Variants in NF1 observed in about 807,000 individuals in gnomAD.
The protein encoded by NF1 is neurofibromin 1.
NF1 carries 122 observed loss-of-function variants against 325.7 expected under a neutral mutation model. That is an observed-to-expected ratio of 0.37 (90% CI 0.32 to 0.44). The LOEUF (loss-of-function observed/expected upper bound fraction) is 0.44. NF1 is among the 20% of genes least tolerant of loss of function. The probability of loss-of-function intolerance (pLI) is 1.00; values close to 1 mark genes in which losing one functional copy is unlikely to be tolerated. For synonymous variants in NF1, 1,091 were observed against 1,186.0 expected, an observed-to-expected ratio of 0.92 and a Z score of 1.65; for missense variants, 2,140 against 3,415.4, an observed-to-expected ratio of 0.63 and a Z score of 9.31.
intron 30 of NF1, chr17:31,250,071 C>A: frequency 2.1e-6 from 1 of 487,192 alleles, no homozygotes; most frequent in Non-Finnish European, 4.0e-6. Context: ...TGAATTTTTT[C>A]ACCATTGCTA....
At chr17:31,302,634 G>T (rs1300949120) in intron 36 of NF1, among the ~76,000 whole-genome samples, 1 of 152,020 alleles carries the variant, frequency 6.6e-6, no homozygotes, top group Non-Finnish European at 1.5e-5. Flanking sequence ...GAGGTCAGGA[G>T]TTCAAGACCA....
At chr17:31,234,523 A>G (rs2067166915) in intron 27 of NF1, among the ~76,000 whole-genome samples, 1 of 151,790 alleles carries the variant, frequency 6.6e-6, no homozygotes, top group South Asian at 2.1e-4. Flanking sequence ...AAAATACAAA[A>G]AAATCAGCTG....
chr17:31,327,919 A>G lies in NF1; in HGVS notation c.5609+80A>G, dbSNP rs777148710. On this transcript the variant is annotated intron_variant, in intron 38 of 57. Transcript: ENST00000358273. ...GAGACCATTTAATGAATTTTAAAAC[A>G]GCCTCTACCTTAATATTGTAAATTG... 491 of 1,300,778 alleles carry G rather than the reference A, an allele frequency of 3.8e-4. 13 individuals are homozygous for G. The highest frequency in any genetic ancestry group is 2.0e-3 in the Middle Eastern group (8 of 3,912). 80.6% of individuals were successfully genotyped at this position (1,300,778 alleles called of 1,614,324 possible). A position where few individuals can be genotyped will look rare whatever the true frequency, so the allele number is the denominator to read the frequency against.
intron 36 of NF1, among the ~76,000 whole-genome samples, chr17:31,322,514 A>AAAAAAAAAAAAAAAAAAAAAAC (rs2069234728): frequency 7.6e-6 from 1 of 131,232 alleles, no homozygotes; most frequent in Admixed American, 7.3e-5. Flanking sequence ...AAAAAAAAAA[A>AAAAAAAAAAAAAAAAAAAAAAC]AAAAAAAAAA....
At chr17:31,168,260 GT>G (rs2065876584) in intron 4 of NF1, among the ~76,000 whole-genome samples, 1 of 151,990 alleles carries the variant, frequency 6.6e-6, no homozygotes, top group South Asian at 2.1e-4. Context: ...TCCCTTTTCA[GT>G]AATTTAAAGC....
chr17:31,173,738 G>T (rs1334384642), intron 5 of NF1, among the ~76,000 whole-genome samples: 1 of 152,194 alleles, frequency 6.6e-6, no homozygotes, highest in Non-Finnish European at 1.5e-5. Context: ...AGAAGAGAGG[G>T]TTTGACCAGG....
chr17:31,144,025 G>A (rs1490218676), intron 1 of NF1, among the ~76,000 whole-genome samples: 4 of 151,918 alleles, frequency 2.6e-5, no homozygotes, highest in Non-Finnish European at 5.9e-5. Context: ...GGGTTTCACC[G>A]TATTAGTCAG....
Position 31,304,854 on chromosome 17 carries a change from A to G in NF1, c.4836-20966A>G, listed in dbSNP as rs757126694. 6 of 1,614,088 alleles carry G rather than the reference A, an allele frequency of 3.7e-6. No homozygotes were observed. In the Admixed American group the frequency reaches 1.0e-4, roughly 27 times the overall value. On this transcript the variant is annotated intron_variant, in intron 36 of 57. Transcript: ENST00000358273. ...CATTTTCTCTGATGTTATCCATACAAATGTCAGGGGTTTCTCCATCAGCAA... is the reference window on the plus strand; with the variant it reads ...CATTTTCTCTGATGTTATCCATACAGATGTCAGGGGTTTCTCCATCAGCAA...
At chr17:31,096,333 G>C (rs1023268269) in intron 1 of NF1, among the ~76,000 whole-genome samples, 1 of 151,990 alleles carries the variant, frequency 6.6e-6, no homozygotes, top group Non-Finnish European at 1.5e-5. Context: ...CTCTCTCCTG[G>C]TTGACAAGAG....
chr17:31,328,005 A>G (rs768844958), intron 38 of NF1, among the ~76,000 whole-genome samples, 166 bp downstream of exon 38: 7 of 152,226 alleles, frequency 4.6e-5, no homozygotes, highest in Non-Finnish European at 7.3e-5. Context: ...ATTCACATGA[A>G]CTGTGGAATT....
Position 31,249,019 on chromosome 17 carries a change from G to A in NF1, c.4010G>A (p.Arg1337Gln), listed in dbSNP as rs1060500379. 1.9e-6 allele frequency: 3 copies of A among 1,613,944 alleles called. No homozygotes were observed. The highest frequency in any genetic ancestry group is 1.7e-6 in the Non-Finnish European group (2 of 1,179,966). The change falls in exon 30 of 58, where the codon CGG becomes CAG. Residue 1337 changes from arginine to glutamine, a missense_variant. By Grantham distance (43) the Arg-to-Gln change is conservative (BLOSUM62 1). This residue lies in a region of NF1 where 336 missense variants were observed against 399.0 expected (regional missense o/e 0.84). Transcript: ENST00000358273. ...TCAGAGAGCCTTGAGGAAAACCAGC[G>A]GAACCTCCTTCAGATGACTGAAAAG... ...EPSESLEENQRNLLQMTEKFF... is the reference protein window; with the variant it reads ...EPSESLEENQQNLLQMTEKFF...
intron 35 of NF1, among the ~76,000 whole-genome samples, chr17:31,264,246 A>AAT (rs1036196683): frequency 3.3e-5 from 5 of 151,732 alleles, no homozygotes; most frequent in South Asian, 2.1e-4. Flanking sequence ...TAAATAAATA[A>AAT]ATATATATAT....
intron 36 of NF1, among the ~76,000 whole-genome samples, chr17:31,286,969 G>A (rs1009219623): frequency 7.2e-5 from 11 of 152,198 alleles, no homozygotes; most frequent in Middle Eastern, 3.2e-3. Flanking sequence ...GTGACTATGA[G>A]CAACAAAATA....
intron 29 of NF1, among the ~76,000 whole-genome samples, chr17:31,241,358 T>G (rs1181909596): frequency 6.6e-6 from 1 of 152,210 alleles, no homozygotes; most frequent in African/African-American, 2.4e-5. Context: ...GTGTTATTAT[T>G]GACGAGGACT....
chr17:31,176,037 C>G (rs935688822), intron 5 of NF1, among the ~76,000 whole-genome samples: 4 of 152,150 alleles, frequency 2.6e-5, no homozygotes, highest in Non-Finnish European at 5.9e-5. Context: ...GGTATATACC[C>G]AGTAATGGGA....
rs564807370 is a variant in NF1, at chr17:31,317,281, CAACTT to C, written c.4836-8536_4836-8532del. On this transcript the variant is annotated intron_variant, in intron 36 of 57. Coordinates refer to ENST00000358273, the MANE Select transcript of NF1 (RefSeq NM_001042492.3). Reference sequence around the variant, plus strand: ...ATTTAATTGAAGATGGGGGGGTTCTCAACTTAAATGTAAGTCATTATTTTACTTGA... The same window carrying C: ...ATTTAATTGAAGATGGGGGGGTTCTCAAATGTAAGTCATTATTTTACTTGA... Among the ~76,000 whole-genome samples the C allele has an allele frequency of 1.4e-3, 207 of 151,642 alleles. 1 individual carries two copies. Among genetic ancestry groups the C allele is most frequent in the African/African-American group, 4.7e-3 (195 of 41,368 alleles).
chr17:31,124,051 C>T (rs1914658346), intron 1 of NF1, among the ~76,000 whole-genome samples: 1 of 152,096 alleles, frequency 6.6e-6, no homozygotes, highest in Admixed American at 6.6e-5. Context: ...TTAAACCCCT[C>T]TCTGATCCCA....
intron 8 of NF1, among the ~76,000 whole-genome samples, chr17:31,197,377 T>C (rs1252356406): frequency 5.5e-5 from 8 of 146,392 alleles, no homozygotes; most frequent in Non-Finnish European, 1.2e-4. Flanking sequence ...AAAAATACCA[T>C]TGGGATTTTG....
rs1350549488 is a variant in NF1, at chr17:31,336,289, T to G, written c.6007-44T>G. 6.3e-7 allele frequency: 1 copy of G among 1,599,106 alleles called. No individual in the cohort carries two copies. Among genetic ancestry groups the G allele is most frequent in the Admixed American group, 1.7e-5 (1 of 59,926 alleles). On this transcript the variant is annotated intron_variant, in intron 40 of 57. Transcript: ENST00000358273. The surrounding 1 kb of genome is among the most constrained non-coding windows in gnomAD (Gnocchi z 5.5). ...GAATATTTTTTAATTAAAAATTAAA[T>G]TGGTAGAGTGATTAAAAACATGTTA...
Sources: allele counts gnomAD v4.1 joint callset (sites outside exome capture counted in the v4.1 genomes callset), GRCh38; gene constraint gnomAD v4.1.1; regional missense constraint gnomAD v4.1.1; non-coding constraint Gnocchi (gnomAD v3.1); transcripts MANE v1.5; gene names NCBI Gene and HGNC (gene_info 2026-07-23, HGNC 2026-07-21).